Variants in MMP16 observed in about 807,000 individuals in gnomAD.
MMP16 encodes matrix metallopeptidase 16, also known as matrix metalloproteinase-16.
In MMP16, 12 loss-of-function variants were observed where a neutral mutation model predicts 67.8. The ratio of observed to expected loss-of-function variants is 0.18; its 90% CI spans 0.11 to 0.29. The LOEUF (loss-of-function observed/expected upper bound fraction) is 0.29. Among genes scored for constraint, MMP16 ranks in the 10% least tolerant of loss-of-function variants. The pLI is 1.00. For missense variants in MMP16, 475 were observed against 765.7 expected (o/e 0.62, Z 4.48); for synonymous variants, 249 against 255.9 (o/e 0.97, Z 0.26).
Position 88,197,751 on chromosome 8 carries a change from A to G in MMP16, c.133-445T>C, listed in dbSNP as rs1343183756. Among the ~76,000 whole-genome samples the G allele has an allele frequency of 2.0e-5, 3 of 152,182 alleles. No individual in the cohort carries two copies. The East Asian group carries it at 5.8e-4, about 29-fold the overall frequency. ...TAAAAAAGCCGTCTTCCTGAAATTG[A>G]CCAGTGACTCCAGCTATGACGTGTA... On this transcript the variant is annotated intron_variant, in intron 1 of 9. Coordinates refer to ENST00000286614, the MANE Select transcript of MMP16 (RefSeq NM_005941.5).
At chr8:88,151,539 A>G (rs1335716887) in intron 4 of MMP16, among the ~76,000 whole-genome samples, 1 of 145,432 alleles carries the variant, frequency 6.9e-6, no homozygotes, top group African/African-American at 2.6e-5. Context: ...CAATCAAACT[A>G]GAACTCAGGA....
intron 7 of MMP16, among the ~76,000 whole-genome samples, chr8:88,062,954 G>A (rs1337236727): frequency 3.3e-5 from 5 of 152,022 alleles, no homozygotes; most frequent in Admixed American, 3.3e-4. Context: ...GACAGTCTGG[G>A]TCTCAAGGAA....
At chr8:88,197,387 TAG>T (rs1050480877) in intron 1 of MMP16, 81 bp from the exon 2 acceptor site, 1 of 1,242,302 alleles carries the variant, frequency 8.0e-7, no homozygotes, top group African/African-American at 1.6e-5. Context: ...ATATCTATAA[TAG>T]AGTTTTGAAC....
chr8:88,096,924 C>T (rs552887734), intron 6 of MMP16, among the ~76,000 whole-genome samples: 1 of 152,000 alleles, frequency 6.6e-6, no homozygotes, highest in Non-Finnish European at 1.5e-5. Flanking sequence ...ATCCTGTAGA[C>T]AGATTTCTCT....
intron 1 of MMP16, among the ~76,000 whole-genome samples, chr8:88,273,370 C>T (rs560992457): frequency 3.3e-5 from 5 of 151,638 alleles, no homozygotes; most frequent in Admixed American, 1.3e-4. Flanking sequence ...GGATTACAGG[C>T]GTGAGCCACC....
At chr8:88,204,677 GTA>G (rs1809398738) in intron 1 of MMP16, among the ~76,000 whole-genome samples, 1 of 151,528 alleles carries the variant, frequency 6.6e-6, no homozygotes. Context: ...GTAAAACAGG[GTA>G]CATTTTAAAA....
chr8:88,231,708 G>C (rs1809861058), intron 1 of MMP16, among the ~76,000 whole-genome samples: 1 of 152,090 alleles, frequency 6.6e-6, no homozygotes, highest in Non-Finnish European at 1.5e-5. Context: ...ATTCCTGGTA[G>C]GTTCCCACTC....
intron 3 of MMP16, among the ~76,000 whole-genome samples, chr8:88,172,700 C>T (rs7017075): frequency 0.055 from 8,290 of 152,014 alleles, 350 homozygotes; most frequent in Admixed American, 0.11. Flanking sequence ...AGTGAGTATA[C>T]TTCTTATTTT....
intron 7 of MMP16, among the ~76,000 whole-genome samples, chr8:88,069,922 C>A (rs1260183681): frequency 2.0e-5 from 3 of 152,064 alleles, no homozygotes; most frequent in Admixed American, 6.6e-5. Flanking sequence ...TACTAATGTT[C>A]TTAGATTTTG....
chr8:88,266,785 A>G (rs1479415117), intron 1 of MMP16, among the ~76,000 whole-genome samples: 1 of 152,214 alleles, frequency 6.6e-6, no homozygotes, highest in Non-Finnish European at 1.5e-5. Context: ...AGCATGAAAA[A>G]GTGAACATAT....
intron 1 of MMP16, among the ~76,000 whole-genome samples, chr8:88,221,884 T>C (rs1288184996): frequency 6.6e-6 from 1 of 152,118 alleles, no homozygotes; most frequent in African/African-American, 2.4e-5. Flanking sequence ...AATCATATAC[T>C]GATTTCAGAT....
intron 1 of MMP16, among the ~76,000 whole-genome samples, chr8:88,231,886 T>C (rs1167848812): frequency 1.3e-5 from 2 of 152,234 alleles, no homozygotes; most frequent in African/African-American, 4.8e-5. Flanking sequence ...TTTTATGTTA[T>C]AATCTTGAAA....
intron 8 of MMP16, among the ~76,000 whole-genome samples, chr8:88,047,709 C>T (rs1003249213): frequency 4.6e-5 from 7 of 152,140 alleles, no homozygotes; most frequent in Non-Finnish European, 1.0e-4. Flanking sequence ...TAAGATTAGA[C>T]AAGCATTTAC....
At position 88,118,680 on chromosome 8, in the gene MMP16, T is replaced by C. The variant is rs772487962; in HGVS notation, c.871+20A>G. 6 of 1,606,166 alleles carry C rather than the reference T, an allele frequency of 3.7e-6. No individual in the cohort carries two copies. The East Asian group carries it at 9.0e-5, about 24-fold the overall frequency. ...GGACTTCACTATCGGATTAAGCAAATTGAAACAGTAGTAACCTACCATATA... is the reference window on the plus strand; with the variant it reads ...GGACTTCACTATCGGATTAAGCAAACTGAAACAGTAGTAACCTACCATATA... On this transcript the variant is annotated intron_variant, in intron 5 of 9. Coordinates refer to ENST00000286614, the MANE Select transcript of MMP16 (RefSeq NM_005941.5).
chr8:88,054,229 T>C (rs561410510), intron 8 of MMP16, among the ~76,000 whole-genome samples: 56 of 152,336 alleles, frequency 3.7e-4, no homozygotes, highest in Non-Finnish European at 6.8e-4. Context: ...TTCCATTTTC[T>C]GTCCCCTAGT....
At chr8:88,093,126 C>T (rs903921634) in intron 6 of MMP16, among the ~76,000 whole-genome samples, 10 of 151,788 alleles carry the variant, frequency 6.6e-5, no homozygotes, top group African/African-American at 2.4e-4. Context: ...TAATACTACC[C>T]AGGGGACTGT....
At chr8:88,287,236 C>T (rs1413733288) in intron 1 of MMP16, among the ~76,000 whole-genome samples, 4 of 152,186 alleles carry the variant, frequency 2.6e-5, no homozygotes, top group South Asian at 2.1e-4. Flanking sequence ...TCTCTCTGAG[C>T]GCCAGCCACC....
intron 1 of MMP16, among the ~76,000 whole-genome samples, chr8:88,260,554 A>T (rs1810373001): frequency 6.6e-6 from 1 of 152,090 alleles, no homozygotes; most frequent in Non-Finnish European, 1.5e-5. Flanking sequence ...AAAACAGGAT[A>T]TTATCTCTCC....
chr8:88,190,408 C>A (rs12548164), intron 2 of MMP16, among the ~76,000 whole-genome samples: 33,878 of 151,978 alleles, frequency 0.22, 4,957 homozygotes, highest in East Asian at 0.53. Context: ...CATAAGCAGG[C>A]AGGTTCTTTC....
Sources: allele counts gnomAD v4.1 joint callset (sites outside exome capture counted in the v4.1 genomes callset), GRCh38; gene constraint gnomAD v4.1.1; transcripts MANE v1.5; gene names NCBI Gene and HGNC (gene_info 2026-07-23, HGNC 2026-07-21).